The following KLF12 variants were observed in gnomAD, a reference collection of about 807,000 sequenced individuals.
The protein encoded by KLF12 is KLF transcription factor 12.
KLF12 carries 9 observed loss-of-function variants against 37.8 expected under a neutral mutation model. The ratio of observed to expected loss-of-function variants is 0.24; its 90% CI spans 0.14 to 0.42. KLF12 has a LOEUF of 0.42. KLF12 is among the 10% of genes least tolerant of loss of function. KLF12 has a pLI of 1.00. For missense variants in KLF12, 411 were observed against 516.0 expected, an observed-to-expected ratio of 0.80 and a Z score of 1.97; for synonymous variants, 208 against 202.1, an observed-to-expected ratio of 1.03 and a Z score of -0.25.
chr13:73,899,224 T>A (rs990435330), intron 3 of KLF12, among the ~76,000 whole-genome samples: 1 of 152,116 alleles, frequency 6.6e-6, no homozygotes, highest in Non-Finnish European at 1.5e-5. Context: ...GCAAGCATGA[T>A]CTATATGGGA....
chr13:73,946,503 G>A (rs1290712851), intron 2 of KLF12, among the ~76,000 whole-genome samples: 1 of 152,080 alleles, frequency 6.6e-6, no homozygotes, highest in South Asian at 2.1e-4. Context: ...ATTCATGATG[G>A]TTTTTCTTTA....
the KLF12 span, among the ~76,000 whole-genome samples, chr13:74,166,087 CTTTTTTTT>C: frequency 9.6e-6 from 1 of 103,788 alleles, no homozygotes; most frequent in Non-Finnish European, 1.9e-5. Context: ...GCATAAACAC[CTTTTTTTT>C]TTTTTTTTTT....
the KLF12 span, among the ~76,000 whole-genome samples, chr13:74,167,877 T>G: frequency 2.0e-5 from 3 of 152,204 alleles, no homozygotes; most frequent in Non-Finnish European, 4.4e-5. Flanking sequence ...TATAAAAGTA[T>G]ACATTAAAGA....
At chr13:73,867,143 T>C (rs1384228409) in intron 3 of KLF12, among the ~76,000 whole-genome samples, 2 of 152,146 alleles carry the variant, frequency 1.3e-5, no homozygotes, top group Non-Finnish European at 2.9e-5. Flanking sequence ...AGTAGTCTAG[T>C]TTTTATGGTT....
At chr13:73,849,375 T>TAAAAAAAAAAA (rs574332239) in intron 3 of KLF12, among the ~76,000 whole-genome samples, 2 of 98,966 alleles carry the variant, frequency 2.0e-5, no homozygotes, top group African/African-American at 9.6e-5. Context: ...GGAGACTCCA[T>TAAAAAAAAAAA]AAAAAAAAAA....
Position 73,688,627 on chromosome 13 carries a change from C to T in KLF12, c.*6863G>A, listed in dbSNP as rs957018167. The T allele has an allele frequency of 6.6e-6, 1 of 152,128 alleles. No individual in the cohort carries two copies. The highest frequency in any genetic ancestry group is 1.5e-5 in the Non-Finnish European group (1 of 68,016). 9.4% of individuals were successfully genotyped at this position (152,128 alleles called of 1,614,324 possible). A position where few individuals can be genotyped will look rare whatever the true frequency, so the allele number is the denominator to read the frequency against. ...ACATTTATGAGAAAAGTGACAAGTTCGGGGAGACAACTGGTTGCTATTGTT... is the reference window on the plus strand; with the variant it reads ...ACATTTATGAGAAAAGTGACAAGTTTGGGGAGACAACTGGTTGCTATTGTT... On this transcript the variant is annotated 3_prime_UTR_variant, in exon 8 of 8. Coordinates refer to ENST00000377669, the MANE Select transcript of KLF12 (RefSeq NM_007249.5).
intron 7 of KLF12, among the ~76,000 whole-genome samples, chr13:73,699,699 T>C (rs1020418660): frequency 6.6e-6 from 1 of 152,080 alleles, no homozygotes; most frequent in African/African-American, 2.4e-5. Flanking sequence ...GTCTGGGAAG[T>C]GGGGTTACAA....
In KLF12 at chr13:74,019,137, T is replaced by C. The variant is rs560575656; in HGVS notation, c.-31-24084A>G. Among the ~76,000 whole-genome samples, 10 of 152,342 alleles carry C rather than the reference T, an allele frequency of 6.6e-5. No homozygotes were observed. In the East Asian group the frequency reaches 1.2e-3, roughly 18 times the overall value. ...CACAATTGAGGCAAACTAAGTCTTA[T>C]TTTAGGAACATTTACTTACATATAC... On this transcript the variant is annotated intron_variant, in intron 1 of 7. Coordinates refer to ENST00000377669, the MANE Select transcript of KLF12 (RefSeq NM_007249.5).
the KLF12 span, among the ~76,000 whole-genome samples, chr13:74,164,456 G>A: frequency 2.6e-5 from 4 of 152,082 alleles, no homozygotes; most frequent in African/African-American, 9.7e-5. Flanking sequence ...AAAGTAGGTA[G>A]AACAACTGGT....
chr13:74,253,807 A>C, the KLF12 span, among the ~76,000 whole-genome samples: 1 of 152,226 alleles, frequency 6.6e-6, no homozygotes, highest in African/African-American at 2.4e-5. Flanking sequence ...ACATTTGCAA[A>C]AGCCCAGCCT....
At chr13:73,806,373 A>T (rs9573294) in intron 5 of KLF12, among the ~76,000 whole-genome samples, 54,868 of 151,816 alleles carry the variant, frequency 0.36, 10,257 homozygotes, top group East Asian at 0.54. Flanking sequence ...AGTGCTGGGA[A>T]TACAGGCGTG....
chr13:73,856,075 G>T (rs1307970942), intron 3 of KLF12, among the ~76,000 whole-genome samples: 1 of 152,140 alleles, frequency 6.6e-6, no homozygotes, highest in Non-Finnish European at 1.5e-5. Context: ...TTAAGTAGGA[G>T]AATAAATTGT....
intron 1 of KLF12, among the ~76,000 whole-genome samples, chr13:74,005,469 T>C (rs746320379): frequency 2.0e-5 from 3 of 152,232 alleles, no homozygotes; most frequent in East Asian, 1.9e-4. Context: ...GGCAGCGGTA[T>C]GCTGCACTTT....
intron 1 of KLF12, among the ~76,000 whole-genome samples, chr13:74,080,592 T>C (rs1169968972): frequency 6.6e-6 from 1 of 151,994 alleles, no homozygotes; most frequent in Non-Finnish European, 1.5e-5. Flanking sequence ...ATCCCAAGCC[T>C]ACTGGCTTAG....
intron 2 of KLF12, among the ~76,000 whole-genome samples, chr13:73,968,542 G>A (rs1054356105): frequency 5.3e-5 from 8 of 151,932 alleles, no homozygotes; most frequent in African/African-American, 1.4e-4. Context: ...ATCTTTCGTC[G>A]TCATCTATGC....
chr13:73,824,750 G>C (rs890219685), intron 4 of KLF12, among the ~76,000 whole-genome samples: 1 of 152,002 alleles, frequency 6.6e-6, no homozygotes, highest in South Asian at 2.1e-4. Flanking sequence ...CCATTAGTCC[G>C]CATCAATCTA....
chr13:73,798,487 C>T (rs777599981), intron 5 of KLF12, among the ~76,000 whole-genome samples: 6 of 152,140 alleles, frequency 3.9e-5, no homozygotes, highest in African/African-American at 1.4e-4. Context: ...AAACAACCTA[C>T]AGAATGGGAG....
At chr13:74,082,163 T>TTAAAAAAAAAA (rs71199834) in intron 1 of KLF12, among the ~76,000 whole-genome samples, 2 of 114,758 alleles carry the variant, frequency 1.7e-5, no homozygotes, top group Admixed American at 9.2e-5. Flanking sequence ...CCCTGTCTCT[T>TTAAAAAAAAAA]AAAAAAAAAA....
At chr13:74,114,964 G>C (rs980360038) in intron 1 of KLF12, among the ~76,000 whole-genome samples, 3 of 152,176 alleles carry the variant, frequency 2.0e-5, no homozygotes, top group Non-Finnish European at 2.9e-5. Context: ...GAAGGATCTA[G>C]GTTGCATGTT....
Sources: allele counts gnomAD v4.1 joint callset (sites outside exome capture counted in the v4.1 genomes callset), GRCh38; gene constraint gnomAD v4.1.1; transcripts MANE v1.5; gene names NCBI Gene and HGNC (gene_info 2026-07-23, HGNC 2026-07-21).